Variants in CREB5 observed in about 807,000 individuals in gnomAD.
The protein encoded by CREB5 is cAMP responsive element binding protein 5, also known as cyclic AMP-responsive element-binding protein 5.
CREB5 carries 19 observed loss-of-function variants against 57.1 expected under a neutral mutation model. The ratio of observed to expected loss-of-function variants is 0.33; its 90% CI spans 0.23 to 0.49. The LOEUF (loss-of-function observed/expected upper bound fraction) is 0.49, where lower values mean the gene tolerates loss of function less well. Among genes scored for constraint, CREB5 ranks in the 20% least tolerant of loss-of-function variants. The pLI, the probability that CREB5 is intolerant of heterozygous loss-of-function variation, is 0.99. For missense variants in CREB5, 579 were observed against 671.6 expected (o/e 0.86, Z 1.52); for synonymous variants, 238 against 238.3 (o/e 1.00, Z 0.01).
chr7:28,627,158 C>T, intron 5 of CREB5, among the ~76,000 whole-genome samples: 2 of 152,092 alleles, frequency 1.3e-5, no homozygotes, highest in East Asian at 3.9e-4. Context: ...TTTTTTTTCC[C>T]TGTCTTCTAC....
chr7:28,431,228 C>T (rs1788698901), intron 1 of CREB5, among the ~76,000 whole-genome samples: 1 of 152,174 alleles, frequency 6.6e-6, no homozygotes, highest in Non-Finnish European at 1.5e-5. Flanking sequence ...TAGCCAGTAC[C>T]TATGGCAAGA....
chr7:28,669,058 A>G (rs1276118574), intron 5 of CREB5, among the ~76,000 whole-genome samples: 1 of 152,236 alleles, frequency 6.6e-6, no homozygotes, highest in African/African-American at 2.4e-5. Context: ...GGCTTGAGGT[A>G]CCAGGAACCC....
At chr7:28,461,492 A>C (rs1032274042) in intron 1 of CREB5, among the ~76,000 whole-genome samples, 3 of 152,194 alleles carry the variant, frequency 2.0e-5, no homozygotes, top group Non-Finnish European at 4.4e-5. Context: ...ATTTTCCTGC[A>C]TAAAAGCCTG....
At chr7:28,634,170 C>T (rs914831315) in intron 5 of CREB5, among the ~76,000 whole-genome samples, 1 of 152,184 alleles carries the variant, frequency 6.6e-6, no homozygotes, top group Non-Finnish European at 1.5e-5. Flanking sequence ...ACACAAATTT[C>T]ATTTGAGCTT....
chr7:28,671,111 A>T (rs577641530), intron 5 of CREB5, among the ~76,000 whole-genome samples: 1 of 151,996 alleles, frequency 6.6e-6, no homozygotes, highest in African/African-American at 2.4e-5. Flanking sequence ...AAAAATTTTT[A>T]AAAATGAGCA....
intron 5 of CREB5, among the ~76,000 whole-genome samples, chr7:28,688,186 A>G (rs937705561): frequency 6.6e-6 from 1 of 152,160 alleles, no homozygotes. Context: ...TGGCAAAAAA[A>G]CAAACATGGT....
At chr7:28,413,392 C>T (rs1787890041) in intron 1 of CREB5, among the ~76,000 whole-genome samples, 1 of 152,030 alleles carries the variant, frequency 6.6e-6, no homozygotes, top group African/African-American at 2.4e-5. Flanking sequence ...TGAATATCAA[C>T]TATTACTTTA....
chr7:28,689,416 C>T (rs1038775567), intron 5 of CREB5, among the ~76,000 whole-genome samples: 1 of 151,962 alleles, frequency 6.6e-6, no homozygotes, highest in Non-Finnish European at 1.5e-5. Flanking sequence ...TGCAGTAAGC[C>T]GAGATCGAGC....
chr7:28,570,630 G>T (rs1449721873), intron 5 of CREB5, 93 bp downstream of exon 5: 28 of 1,427,900 alleles, frequency 2.0e-5, no homozygotes, highest in Non-Finnish European at 2.5e-5. Context: ...AGATTGGTTG[G>T]TTTTTCTGGC....
At chr7:28,445,181 C>T (rs1297934955) in intron 1 of CREB5, among the ~76,000 whole-genome samples, 1 of 152,178 alleles carries the variant, frequency 6.6e-6, no homozygotes, top group Non-Finnish European at 1.5e-5. Context: ...TAAAGCCTCC[C>T]CAGCCACGTG....
chr7:28,742,139 C>T (rs182178732), intron 7 of CREB5, among the ~76,000 whole-genome samples: 12 of 150,624 alleles, frequency 8.0e-5, no homozygotes, highest in Admixed American at 3.3e-4. Flanking sequence ...TTTTTGATGT[C>T]TGAGTAATTG....
intron 9 of CREB5, 97 bp from the exon 10 acceptor site, chr7:28,817,973 AT>A (rs2128809407): frequency 2.6e-6 from 2 of 759,104 alleles, no homozygotes; most frequent in Non-Finnish European, 4.4e-6. Context: ...TTTAGACATA[AT>A]GGAAGAGTTT....
intron 1 of CREB5, among the ~76,000 whole-genome samples, chr7:28,350,210 T>C (rs1786160353): frequency 6.6e-6 from 1 of 152,178 alleles, no homozygotes; most frequent in Non-Finnish European, 1.5e-5. Flanking sequence ...TCTCTGATTA[T>C]CTTAAAGATA....
intron 1 of CREB5, among the ~76,000 whole-genome samples, chr7:28,472,484 C>A (rs1298024707): frequency 6.6e-6 from 1 of 152,190 alleles, no homozygotes; most frequent in Non-Finnish European, 1.5e-5. Flanking sequence ...TGACCTCAAG[C>A]TGCAACTACA....
At chr7:28,609,360 C>T (rs1797299830) in intron 5 of CREB5, among the ~76,000 whole-genome samples, 1 of 152,132 alleles carries the variant, frequency 6.6e-6, no homozygotes, top group African/African-American at 2.4e-5. Flanking sequence ...CTGACCTTAC[C>T]TGCTTCCGGG....
chr7:28,565,170 G>C (rs1795429505), intron 4 of CREB5, among the ~76,000 whole-genome samples: 1 of 152,212 alleles, frequency 6.6e-6, no homozygotes, highest in Non-Finnish European at 1.5e-5. Context: ...CAGGAACCAT[G>C]TATCATAAAT....
At chr7:28,568,031 A>G (rs917870128) in intron 4 of CREB5, among the ~76,000 whole-genome samples, 3 of 152,182 alleles carry the variant, frequency 2.0e-5, no homozygotes, top group Admixed American at 2.0e-4. Flanking sequence ...GAGGAAAAGA[A>G]GCCAGAGTGC....
At chr7:28,551,874 C>CT (rs373309167) in intron 4 of CREB5, among the ~76,000 whole-genome samples, 5 of 139,174 alleles carry the variant, frequency 3.6e-5, no homozygotes, top group East Asian at 2.0e-4. Flanking sequence ...CTTTCTTTTT[C>CT]TTTCTTTCTT....
chr7:28,458,254 T>C (rs932603992), intron 1 of CREB5, among the ~76,000 whole-genome samples: 1 of 152,086 alleles, frequency 6.6e-6, no homozygotes, highest in Non-Finnish European at 1.5e-5. Flanking sequence ...GTTGAATAAA[T>C]GAATTGGGAG....
Sources: allele counts gnomAD v4.1 joint callset (sites outside exome capture counted in the v4.1 genomes callset), GRCh38; gene constraint gnomAD v4.1.1; transcripts MANE v1.5; gene names NCBI Gene and HGNC (gene_info 2026-07-23, HGNC 2026-07-21).